Variants in ELFN2 observed in about 807,000 individuals in gnomAD.
ELFN2 encodes extracellular leucine rich repeat and fibronectin type III domain containing 2, also known as protein phosphatase 1 regulatory subunit 29.
A neutral mutation model predicts 45.5 loss-of-function variants in ELFN2; 17 were observed. The observed-to-expected ratio is 0.37, with a 90% CI of 0.26 to 0.56. The LOEUF (loss-of-function observed/expected upper bound fraction) is 0.56, where lower values mean the gene tolerates loss of function less well. ELFN2 is among the 20% of genes least tolerant of loss of function. The pLI is 0.77. For missense variants in ELFN2, 922 were observed against 1,183.2 expected (o/e 0.78, Z 3.24); for synonymous variants, 550 against 551.5 (o/e 1.00, Z 0.04).
intron 2 of ELFN2, among the ~76,000 whole-genome samples, chr22:37,389,553 C>T (rs1300349809): frequency 6.6e-6 from 1 of 152,124 alleles, no homozygotes; most frequent in East Asian, 1.9e-4. Flanking sequence ...CCCACAACCC[C>T]GAGGTATAGC....
At chr22:37,362,163 T>A (rs767268110) in intron 1 of ELFN2, among the ~76,000 whole-genome samples, 16 of 152,182 alleles carry the variant, frequency 1.1e-4, no homozygotes, top group South Asian at 4.1e-4. Context: ...CCGTGGGCCC[T>A]GCAGACTCAT....
Position 37,373,294 on chromosome 22 carries a change from G to A in ELFN2, c.2241C>T (p.Ser747=). 1 of 1,613,784 alleles carries A rather than the reference G, an allele frequency of 6.2e-7. No homozygotes were observed. Among genetic ancestry groups the A allele is most frequent in the Non-Finnish European group, 8.5e-7 (1 of 1,179,964 alleles). The stretch of plus-strand genomic sequence containing the variant: ...AGTACCCTGAGTAGTAGTGTCTGGG[G>A]GAGAGCTGCGAGTAGGTGGAGTCAC... The part of the protein sequence containing the change: ...SKRDSTYSQL[S]PRHYYSGYSS... Residue 747 remains serine, a synonymous_variant, in exon 3 of 3, where the codon TCC becomes TCT. Transcript: ENST00000402918.
At chr22:37,421,601 G>A (rs952532767) in intron 1 of ELFN2, among the ~76,000 whole-genome samples, 31 of 152,162 alleles carry the variant, frequency 2.0e-4, no homozygotes, top group African/African-American at 6.3e-4. Flanking sequence ...GCCAGGCAGG[G>A]GCTCCTCTCT....
intron 2 of ELFN2, among the ~76,000 whole-genome samples, chr22:37,404,220 G>A (rs1932439342): frequency 6.6e-6 from 1 of 152,170 alleles, no homozygotes; most frequent in African/African-American, 2.4e-5. Flanking sequence ...CTGGGGGGGT[G>A]ACACCAATGG....
intron 1 of ELFN2, among the ~76,000 whole-genome samples, chr22:37,359,448 T>C (rs1931028753): frequency 6.6e-6 from 1 of 152,190 alleles, no homozygotes; most frequent in African/African-American, 2.4e-5. Flanking sequence ...CTCGGCCCTC[T>C]ATGGGGTCTA....
chr22:37,388,326 C>T (rs964781005), intron 2 of ELFN2, among the ~76,000 whole-genome samples: 1 of 152,132 alleles, frequency 6.6e-6, no homozygotes, highest in African/African-American at 2.4e-5. Context: ...TCCCACAGCC[C>T]CCTGTGCTTC....
intron 2 of ELFN2, among the ~76,000 whole-genome samples, chr22:37,416,937 C>G (rs1022000196): frequency 6.6e-6 from 1 of 152,188 alleles, no homozygotes; most frequent in Non-Finnish European, 1.5e-5. Context: ...ATCTCCCTAT[C>G]CTTAGCAACC....
chr22:37,389,004 G>C (rs1016957323), intron 2 of ELFN2, among the ~76,000 whole-genome samples: 2 of 152,222 alleles, frequency 1.3e-5, no homozygotes, highest in Non-Finnish European at 2.9e-5. Flanking sequence ...AGTGGGAGAA[G>C]CATGCGGGGC....
At chr22:37,388,562 G>C (rs12628955) in intron 2 of ELFN2, among the ~76,000 whole-genome samples, 27 of 152,206 alleles carry the variant, frequency 1.8e-4, no homozygotes, top group Admixed American at 1.7e-3. Context: ...ATTTGAACCA[G>C]GTCTGTGACT....
In ELFN2 at chr22:37,375,938, C is replaced by G. The variant is rs549428725; in HGVS notation, c.-404G>C. 1.8e-5 allele frequency: 5 copies of G among 273,858 alleles called. No individual in the cohort carries two copies. The highest frequency in any genetic ancestry group is 3.7e-5 in the Non-Finnish European group (5 of 135,998). The allele number at this position is 273,858 out of a possible 1,614,324, so 17.0% of individuals were successfully genotyped here. On this transcript the variant is annotated 5_prime_UTR_variant, in exon 3 of 3. Coordinates refer to ENST00000402918, the MANE Select transcript of ELFN2 (RefSeq NM_052906.5). ...CCACAGGAGGCTGGAGAGTGCCGCA[C>G]TGAGCCAGGAGTGAGAGAGATGGGG...
chr22:37,398,420 A>G (rs1286805397), intron 2 of ELFN2, among the ~76,000 whole-genome samples: 3 of 151,716 alleles, frequency 2.0e-5, no homozygotes, highest in Non-Finnish European at 4.4e-5. Flanking sequence ...ATTCTCATCA[A>G]ATGCTACCTC....
intron 2 of ELFN2, among the ~76,000 whole-genome samples, chr22:37,401,344 G>C (rs1336966961): frequency 1.3e-5 from 2 of 152,206 alleles, no homozygotes; most frequent in African/African-American, 4.8e-5. Flanking sequence ...CTGAGGCCCA[G>C]AGAGCCAAAG....
rs1601732779 is a variant in ELFN2 at position 37,351,747 on chromosome 22, C to T, written n.149-9044G>A. Among the ~76,000 whole-genome samples the T allele has an allele frequency of 3.3e-5, 5 of 150,902 alleles. 1 individual carries two copies. Among genetic ancestry groups the T allele is most frequent in the Admixed American group, 3.3e-4 (5 of 15,136 alleles). ...GCCCTTCCCGCTCAGACTGTGTGGC[C>T]CCCAGACCTGTCAGCTTTCCAGCCA... On this transcript the variant is annotated intron_variant and non_coding_transcript_variant, in intron 1 of 2. Transcript: ENST00000452946.
At chr22:37,387,273 C>T (rs1315304859) in intron 2 of ELFN2, among the ~76,000 whole-genome samples, 1 of 152,196 alleles carries the variant, frequency 6.6e-6, no homozygotes, top group Non-Finnish European at 1.5e-5. Context: ...CTCCCAGCGC[C>T]AAAGCACAAT....
intron 2 of ELFN2, among the ~76,000 whole-genome samples, chr22:37,391,193 G>A (rs1004495323): frequency 3.9e-5 from 6 of 152,290 alleles, no homozygotes; most frequent in Middle Eastern, 3.4e-3. Flanking sequence ...CCAAGGCTGC[G>A]TGGGGGCCAT....
chr22:37,408,487 G>A (rs1363299798), intron 2 of ELFN2, among the ~76,000 whole-genome samples: 6 of 152,242 alleles, frequency 3.9e-5, no homozygotes, highest in African/African-American at 1.4e-4. Context: ...TACAGATGGG[G>A]AAATTGAGGC....
intron 1 of ELFN2, among the ~76,000 whole-genome samples, chr22:37,345,655 C>T (rs1427278829): frequency 6.6e-6 from 1 of 151,012 alleles, no homozygotes; most frequent in East Asian, 2.0e-4. Context: ...TCAAGCAATT[C>T]TCCTGCCTCA....
downstream of ELFN2, among the ~76,000 whole-genome samples, chr22:37,365,640 G>A (rs1226415068): frequency 6.6e-6 from 1 of 152,216 alleles, no homozygotes; most frequent in African/African-American, 2.4e-5. Flanking sequence ...CACTTAGAGG[G>A]CATGACACAG....
At chr22:37,364,376 C>A (rs1369706367), downstream of ELFN2, among the ~76,000 whole-genome samples, 3 of 152,166 alleles carry the variant, frequency 2.0e-5, no homozygotes, top group East Asian at 5.8e-4. Context: ...CAGGAAAGAG[C>A]CGGGGGTGCA....
Sources: gnomAD v4.1 joint callset for allele counts (sites outside exome capture counted in the v4.1 genomes callset) on GRCh38, gnomAD v4.1.1 for gene constraint, MANE v1.5 for transcripts, NCBI Gene and HGNC (gene_info 2026-07-23, HGNC 2026-07-21) for gene names.